The following MTREX variants were observed in gnomAD, a reference collection of about 807,000 sequenced individuals.
MTREX encodes the protein Mtr4 exosome RNA helicase.
MTREX carries 76 observed loss-of-function variants against 135.4 expected under a neutral mutation model. That is an observed-to-expected ratio of 0.56 (90% CI 0.47 to 0.68). MTREX has a LOEUF of 0.68. Among genes scored for constraint, MTREX ranks in the 30% least tolerant of loss-of-function variants. The pLI, the probability that MTREX is intolerant of heterozygous loss-of-function variation, is 0.00. For synonymous variants in MTREX, 404 were observed against 401.6 expected (o/e 1.01, Z -0.07); for missense variants, 920 against 1,262.1 (o/e 0.73, Z 4.11).
intron 1 of MTREX, among the ~76,000 whole-genome samples, chr5:55,309,668 A>T (rs1220453675): frequency 2.0e-5 from 3 of 152,206 alleles, no homozygotes; most frequent in East Asian, 3.8e-4. Flanking sequence ...GGATGCTAGT[A>T]TGTCTGTAGG....
At position 55,362,732 on chromosome 5, in the gene MTREX, G is replaced by A. The variant is rs193039803; in HGVS notation, c.1660-3993G>A. On this transcript the variant is annotated intron_variant, in intron 15 of 26. Coordinates refer to ENST00000230640, the MANE Select transcript of MTREX (RefSeq NM_015360.5). ...ATAAAAAAAAATCAGTTTTCATAAT[G>A]TGTGTTCAAATGAAAAGTTGAGTAA... 3.1e-3 allele frequency among the ~76,000 whole-genome samples: 470 copies of A among 152,258 alleles called. 1 individual carries two copies. Among genetic ancestry groups the A allele is most frequent in the African/African-American group, 0.011 (455 of 41,542 alleles).
intron 21 of MTREX, among the ~76,000 whole-genome samples, chr5:55,402,210 C>T (rs1227172401): frequency 6.6e-6 from 1 of 152,216 alleles, no homozygotes; most frequent in Non-Finnish European, 1.5e-5. Flanking sequence ...CACATCTATG[C>T]TCTGACCCAC....
intron 19 of MTREX, 39 bp from the exon 20 acceptor site, chr5:55,397,377 C>T: frequency 7.5e-7 from 1 of 1,330,372 alleles, no homozygotes; most frequent in Non-Finnish European, 1.1e-6. Context: ...TGAACATGTG[C>T]AAATTTAACT....
chr5:55,424,991 G>A lies in MTREX; in HGVS notation c.*219G>A, dbSNP rs1801997. On this transcript the variant is annotated 3_prime_UTR_variant, in exon 27 of 27. Transcript: ENST00000230640. Reference sequence around the variant, plus strand: ...TATACAGGTGGGGCACTGTTTTGGTGGAAGGCTTGGAGTTTTTTTAATGAG... The same window carrying A: ...TATACAGGTGGGGCACTGTTTTGGTAGAAGGCTTGGAGTTTTTTTAATGAG... 4.4e-6 allele frequency: 3 copies of A among 689,454 alleles called. No homozygotes were observed. Among genetic ancestry groups the A allele is most frequent in the African/African-American group, 1.8e-5 (1 of 55,560 alleles). The allele number at this position is 689,454 out of a possible 1,614,324, so 42.7% of individuals were successfully genotyped here.
In MTREX at chr5:55,424,948, A is replaced by AT. The variant is rs1751130588; in HGVS notation, c.*183dup. 2 of 637,952 alleles carry AT rather than the reference A, an allele frequency of 3.1e-6. No homozygotes were observed. Among genetic ancestry groups the AT allele is most frequent in the Middle Eastern group, 3.1e-4 (1 of 3,186 alleles). 39.5% of individuals were successfully genotyped at this position (637,952 alleles called of 1,614,324 possible). ...ATACATGTTTATACATAAGCATTAC[A>AT]TTTTTTTAATAAAAATGTATACAGG... On this transcript the variant is annotated 3_prime_UTR_variant, in exon 27 of 27. Coordinates refer to ENST00000230640, the MANE Select transcript of MTREX (RefSeq NM_015360.5).
At chr5:55,386,427 C>T (rs1750483087) in intron 18 of MTREX, among the ~76,000 whole-genome samples, 1 of 152,114 alleles carries the variant, frequency 6.6e-6, no homozygotes, top group Non-Finnish European at 1.5e-5. Flanking sequence ...ATTGATCCAT[C>T]TTTACAGAGT....
chr5:55,368,449 C>CA (rs1368386725), intron 16 of MTREX, among the ~76,000 whole-genome samples: 2 of 151,636 alleles, frequency 1.3e-5, no homozygotes, highest in African/African-American at 4.8e-5. Context: ...GACTCCATCT[C>CA]AAAAAAAGAA....
intron 5 of MTREX, among the ~76,000 whole-genome samples, chr5:55,333,889 A>G (rs975108271): frequency 4.6e-5 from 7 of 152,126 alleles, no homozygotes; most frequent in African/African-American, 1.7e-4. Context: ...ACCTAAACAA[A>G]TCTTCACAGC....
Position 55,352,281 on chromosome 5 carries a change from T to C in MTREX, c.1432-887T>C, listed in dbSNP as rs561213742. 4.5e-3 allele frequency among the ~76,000 whole-genome samples: 684 copies of C among 152,334 alleles called. 3 individuals carry two copies. Among genetic ancestry groups the C allele is most frequent in the African/African-American group, 0.016 (653 of 41,582 alleles). ...AAAATATTTAAGATAAATTTACTTA[T>C]CTTGAAGAACATATTTGAAGTCACT... is the stretch of plus-strand genomic sequence containing the variant. On this transcript the variant is annotated intron_variant, in intron 13 of 26. Coordinates refer to ENST00000230640, the MANE Select transcript of MTREX (RefSeq NM_015360.5).
chr5:55,315,365 T>C (rs1006026167), intron 1 of MTREX, among the ~76,000 whole-genome samples: 1 of 152,228 alleles, frequency 6.6e-6, no homozygotes, highest in South Asian at 2.1e-4. Context: ...TTCTTGTTGC[T>C]CTTGGATTTT....
At chr5:55,415,457 A>C (rs1750952471) in intron 24 of MTREX, among the ~76,000 whole-genome samples, 1 of 152,222 alleles carries the variant, frequency 6.6e-6, no homozygotes, top group South Asian at 2.1e-4. Context: ...TAAGAAATTT[A>C]AATTTCTAGA....
At chr5:55,330,470 GT>G (rs1749458193) in intron 5 of MTREX, among the ~76,000 whole-genome samples, 1 of 151,440 alleles carries the variant, frequency 6.6e-6, no homozygotes, top group Non-Finnish European at 1.5e-5. Context: ...TTTTCGTAAT[GT>G]TTTTTTCTAT....
intron 3 of MTREX, among the ~76,000 whole-genome samples, chr5:55,324,931 G>T (rs551931677): frequency 3.3e-5 from 5 of 152,226 alleles, no homozygotes; most frequent in African/African-American, 1.2e-4. Flanking sequence ...AAGTAACAGT[G>T]CTATTTTTGA....
At chr5:55,401,031 C>G (rs802842) in intron 21 of MTREX, among the ~76,000 whole-genome samples, 132,488 of 152,136 alleles carry the variant, frequency 0.87, 57,930 homozygotes, top group South Asian at 0.92. Context: ...GTGCGTGCGT[C>G]CGTGCATGCG....
At chr5:55,364,143 A>G (rs780875835) in intron 15 of MTREX, among the ~76,000 whole-genome samples, 4 of 152,184 alleles carry the variant, frequency 2.6e-5, no homozygotes, top group East Asian at 3.8e-4. Flanking sequence ...AAAAGAAAGA[A>G]TGATACTTTA....
intron 25 of MTREX, among the ~76,000 whole-genome samples, chr5:55,418,515 A>G (rs934068059): frequency 6.7e-6 from 1 of 150,080 alleles, no homozygotes; most frequent in East Asian, 2.0e-4. Context: ...TCTTTCAGTT[A>G]CTCAGGGGCT....
At chr5:55,403,616 C>T (rs553666304) in intron 21 of MTREX, among the ~76,000 whole-genome samples, 47 of 152,304 alleles carry the variant, frequency 3.1e-4, no homozygotes, top group African/African-American at 1.1e-3. Context: ...TTGCTCTGCT[C>T]ACATAGGCAT....
chr5:55,353,601 G>A (rs1045441432), intron 14 of MTREX, among the ~76,000 whole-genome samples: 4 of 152,172 alleles, frequency 2.6e-5, no homozygotes, highest in African/African-American at 7.2e-5. Context: ...TACTTGAGAG[G>A]CTGAGGTGGA....
At chr5:55,404,795 C>CTCTTTTTTTTTTT (rs1195916646) in intron 21 of MTREX, among the ~76,000 whole-genome samples, 10 of 124,434 alleles carry the variant, frequency 8.0e-5, no homozygotes, top group African/African-American at 3.0e-4. Flanking sequence ...GTGCTCTGTT[C>CTCTTTTTTTTTTT]TCTTTTTTTT....
Sources: gnomAD v4.1 joint callset for allele counts (sites outside exome capture counted in the v4.1 genomes callset) on GRCh38, gnomAD v4.1.1 for gene constraint, MANE v1.5 for transcripts, NCBI Gene and HGNC (gene_info 2026-07-23, HGNC 2026-07-21) for gene names.